GTF2IRD2B: variants seen among roughly 807,000 people sequenced by gnomAD.
GTF2IRD2B encodes GTF2I repeat domain containing 2B, also known as general transcription factor II-I repeat domain-containing protein 2B.
Under a neutral mutation model 55.6 loss-of-function variants are expected in GTF2IRD2B, and 10 were observed. The ratio of observed to expected loss-of-function variants is 0.18; its 90% CI spans 0.11 to 0.31. GTF2IRD2B has a LOEUF of 0.31. Among genes scored for constraint, GTF2IRD2B ranks in the 10% least tolerant of loss-of-function variants. GTF2IRD2B has a pLI of 1.00. For missense variants in GTF2IRD2B, 206 were observed against 802.7 expected, an observed-to-expected ratio of 0.26 and a Z score of 8.98; for synonymous variants, 107 against 320.5, an observed-to-expected ratio of 0.33 and a Z score of 7.12.
chr7:75,139,551 G>A (rs1304234375), intron 12 of GTF2IRD2B, among the ~76,000 whole-genome samples: 2,574 of 79,552 alleles, frequency 0.032, 10 homozygotes, highest in East Asian at 0.043. Context: ...GAAGAATGGC[G>A]TGAACCTGGG....
At chr7:75,114,780 T>C (rs1808086431) in intron 3 of GTF2IRD2B, among the ~76,000 whole-genome samples, 1 of 150,038 alleles carries the variant, frequency 6.7e-6, no homozygotes, top group Admixed American at 6.7e-5. Context: ...TTCTTTTTTA[T>C]GGCCGCAGGT....
chr7:75,102,672 A>G (rs587770008), intron 1 of GTF2IRD2B, among the ~76,000 whole-genome samples: 21 of 151,728 alleles, frequency 1.4e-4, no homozygotes, highest in Admixed American at 1.2e-3. Context: ...GAAATAAAAA[A>G]GCTGACCAGG....
chr7:75,130,091 C>CTCTTTCTTTCTT (rs201826313), intron 8 of GTF2IRD2B, among the ~76,000 whole-genome samples: 1 of 77,610 alleles, frequency 1.3e-5, no homozygotes, highest in Non-Finnish European at 2.7e-5. Context: ...AATTTATTTT[C>CTCTTTCTTTCTT]TCTTTCTTTC....
At chr7:75,093,479 T>C (rs1807332809) in intron 1 of GTF2IRD2B, among the ~76,000 whole-genome samples, 1 of 152,202 alleles carries the variant, frequency 6.6e-6, no homozygotes, top group Non-Finnish European at 1.5e-5. Flanking sequence ...CACAGAGCTG[T>C]GCAACCTTTG....
intron 4 of GTF2IRD2B, among the ~76,000 whole-genome samples, chr7:75,122,828 G>T (rs1554452094): frequency 6.7e-6 from 1 of 150,016 alleles, no homozygotes; most frequent in East Asian, 1.9e-4. Flanking sequence ...TGGGTAGATC[G>T]CCTGAGCTCA....
chr7:75,115,330 G>A (rs1384032590), intron 3 of GTF2IRD2B, among the ~76,000 whole-genome samples: 1 of 150,424 alleles, frequency 6.6e-6, no homozygotes, highest in East Asian at 1.9e-4. Flanking sequence ...TTTATAATAT[G>A]TTTTGAAATC....
At chr7:75,134,027 C>T (rs1379837348) in intron 9 of GTF2IRD2B, among the ~76,000 whole-genome samples, 5 of 128,416 alleles carry the variant, frequency 3.9e-5, no homozygotes, top group Non-Finnish European at 3.2e-5. Flanking sequence ...TCACTGGTCT[C>T]CTGACGGTAT....
At chr7:75,115,869 C>T (rs1446918322) in intron 3 of GTF2IRD2B, among the ~76,000 whole-genome samples, 80 of 151,690 alleles carry the variant, frequency 5.3e-4, no homozygotes, top group African/African-American at 1.6e-3. Flanking sequence ...AATCCATGAA[C>T]ATGAGATGTC....
chr7:75,110,612 C>T (rs587753726), intron 2 of GTF2IRD2B, among the ~76,000 whole-genome samples: 4 of 50,736 alleles, frequency 7.9e-5, no homozygotes, highest in African/African-American at 1.5e-4. Flanking sequence ...GCACAAGACC[C>T]TGACTCTTAA....
intron 1 of GTF2IRD2B, among the ~76,000 whole-genome samples, chr7:75,102,905 G>C (rs1362505800): frequency 3.5e-4 from 53 of 151,934 alleles, no homozygotes; most frequent in African/African-American, 1.2e-3. Flanking sequence ...GTTGCAGTGA[G>C]CCAAGATCAT....
At chr7:75,115,586 G>A (rs1313585057) in intron 3 of GTF2IRD2B, among the ~76,000 whole-genome samples, 1 of 72,100 alleles carries the variant, frequency 1.4e-5, no homozygotes, top group African/African-American at 5.2e-5. Flanking sequence ...ACCATGCCCA[G>A]CTAATTTTTT....
At chr7:75,120,141 GAAGA>G (rs1486550607) in intron 3 of GTF2IRD2B, among the ~76,000 whole-genome samples, 1 of 106,928 alleles carries the variant, frequency 9.4e-6, no homozygotes, top group Non-Finnish European at 1.8e-5. Flanking sequence ...AAAAAAAAAA[GAAGA>G]AAGAAAGAAA....
At position 75,106,425 on chromosome 7, in the gene GTF2IRD2B, G is replaced by A. The variant is rs1313032304; in HGVS notation, c.-5-2535G>A. ...TAGAAAAATCTTCTGTCTTCCTTCC[G>A]CATGCACACTCATGTTGATCTGTGT... On this transcript the variant is annotated intron_variant, in intron 1 of 15. Coordinates refer to ENST00000472837, the MANE Select transcript of GTF2IRD2B (RefSeq NM_001003795.3). Among the ~76,000 whole-genome samples the A allele has an allele frequency of 6.6e-5, 10 of 151,120 alleles. No individual in the cohort carries two copies. In the East Asian group the frequency reaches 1.4e-3, roughly 20 times the overall value.
chr7:75,147,098 C>T (rs1554454380), intron 15 of GTF2IRD2B: 2 of 163,406 alleles, frequency 1.2e-5, no homozygotes, highest in East Asian at 1.8e-4. Context: ...ACAAACCAGG[C>T]ACTCTTTCAT....
intron 2 of GTF2IRD2B, among the ~76,000 whole-genome samples, chr7:75,109,305 C>G (rs1390319808): frequency 6.8e-6 from 1 of 147,036 alleles, no homozygotes; most frequent in African/African-American, 2.4e-5. Context: ...TCCTGGGTAG[C>G]TGGGATTATA....
Position 75,148,239 on chromosome 7 carries a change from C to A in GTF2IRD2B, c.1792C>A (p.Arg598Ser). The A allele has an allele frequency of 3.7e-6, 6 of 1,613,814 alleles. No individual in the cohort carries two copies. Among genetic ancestry groups the A allele is most frequent in the Non-Finnish European group, 5.1e-6 (6 of 1,179,848 alleles). The change falls in exon 16 of 16, where the codon CGT (arginine) becomes AGT (serine). Residue 598 changes from arginine (R) to serine (S), a missense_variant. By Grantham distance (110) the Arg-to-Ser change is moderately radical. Transcript: ENST00000472837. ...AAAATCTGGCAACGAGATCTTTTTG[C>A]GTGTTGAGAAGAGCCTGAAAAAGTT... is the stretch of plus-strand genomic sequence containing the variant. ...GTKSGNEIFL[R>S]VEKSLKKFCI...
At position 75,132,548 on chromosome 7, in the gene GTF2IRD2B, CTTTTTTTTTTTT is replaced by C. The variant is rs1159887977; in HGVS notation, c.671-573_671-562del. Among the ~76,000 whole-genome samples the C allele has an allele frequency of 2.5e-4, 21 of 85,362 alleles. 1 individual carries two copies. The highest frequency in any genetic ancestry group is 9.0e-4 in the African/African-American group (18 of 20,058). 56.0% of individuals were successfully genotyped at this position (85,362 alleles called of 152,430 possible). A position where few individuals can be genotyped will look rare whatever the true frequency, so the allele number is the denominator to read the frequency against. On this transcript the variant is annotated intron_variant, in intron 8 of 15. Transcript: ENST00000472837. ...TTCCTTCATCCTCCTCTCCTTCCTT[CTTTTTTTTTTTT>C]TTTTTTTTTTTTTGAGATGGAGTCT...
At chr7:75,114,691 A>C (rs2655963) in intron 3 of GTF2IRD2B, among the ~76,000 whole-genome samples, 2 of 150,912 alleles carry the variant, frequency 1.3e-5, no homozygotes, top group Non-Finnish European at 3.0e-5. Flanking sequence ...TGTGGTATTC[A>C]GTTTTCTGTC....
At chr7:75,096,623 A>G (rs1458566724) in intron 1 of GTF2IRD2B, among the ~76,000 whole-genome samples, 7 of 126,160 alleles carry the variant, frequency 5.5e-5, no homozygotes, top group Non-Finnish European at 1.1e-4. Flanking sequence ...ACAGGGTTTC[A>G]CCATGTTGGC....
Sources: gnomAD v4.1 joint callset for allele counts (sites outside exome capture counted in the v4.1 genomes callset) on GRCh38, gnomAD v4.1.1 for gene constraint, MANE v1.5 for transcripts, NCBI Gene and HGNC (gene_info 2026-07-23, HGNC 2026-07-21) for gene names.